CHST9: variants seen among roughly 807,000 people sequenced by gnomAD.
CHST9 encodes GalNAc-4-sulfotransferase 2.
Under a neutral mutation model 44.4 loss-of-function variants are expected in CHST9, and 41 were observed. The observed-to-expected ratio is 0.92, with a 90% confidence interval of 0.72 to 1.20. The LOEUF (loss-of-function observed/expected upper bound fraction) is 1.20. Among genes scored for constraint, CHST9 ranks in the 50% most tolerant of loss-of-function variants. CHST9 has a pLI of 0.00. For synonymous variants in CHST9, 171 were observed against 178.4 expected (o/e 0.96, Z 0.33); for missense variants, 504 against 516.5 (o/e 0.98, Z 0.23).
At chr18:27,144,786 A>G (rs1368046006) in intron 1 of CHST9, among the ~76,000 whole-genome samples, 1 of 152,190 alleles carries the variant, frequency 6.6e-6, no homozygotes, top group Non-Finnish European at 1.5e-5. Flanking sequence ...AGAATTCCTC[A>G]TCTCTTAAAG....
chr18:27,021,683 C>G (rs1445256010), intron 4 of CHST9, among the ~76,000 whole-genome samples: 3 of 152,214 alleles, frequency 2.0e-5, no homozygotes, highest in Non-Finnish European at 4.4e-5. Flanking sequence ...CCTCTTTCCC[C>G]AGAGATAAGC....
chr18:27,135,100 T>C (rs1274885220), intron 2 of CHST9, among the ~76,000 whole-genome samples: 3 of 152,182 alleles, frequency 2.0e-5, no homozygotes, highest in Non-Finnish European at 4.4e-5. Flanking sequence ...AGTGGCTTGA[T>C]TTGACTGTTC....
intron 3 of CHST9, among the ~76,000 whole-genome samples, chr18:27,030,035 T>C (rs1373616296): frequency 6.6e-6 from 1 of 152,230 alleles, no homozygotes; most frequent in Non-Finnish European, 1.5e-5. Flanking sequence ...GTTTTCCCAT[T>C]AGGTATTAAT....
At chr18:27,053,278 A>G (rs2143583013) in intron 2 of CHST9, among the ~76,000 whole-genome samples, 1 of 134,000 alleles carries the variant, frequency 7.5e-6, no homozygotes, top group African/African-American at 2.8e-5. Context: ...GAGAAGGAGA[A>G]GGAGAAGGAG....
At position 26,913,747 on chromosome 18, in the gene CHST9, T is replaced by C. The variant is rs1258776101; in HGVS notation, c.*2512A>G. On this transcript the variant is annotated 3_prime_UTR_variant, in exon 6 of 6. Coordinates refer to ENST00000618847, the MANE Select transcript of CHST9 (RefSeq NM_031422.6). ...TGATGGTCCTAAAGAACAGTGGTGT[T>C]CCCACCTGGATTTATGCACAGGCAG... 1 of 152,190 alleles carries C rather than the reference T, an allele frequency of 6.6e-6. No homozygotes were observed. The highest frequency in any genetic ancestry group is 1.5e-5 in the Non-Finnish European group (1 of 68,040). 9.4% of individuals were successfully genotyped at this position (152,190 alleles called of 1,614,324 possible).
intron 1 of CHST9, among the ~76,000 whole-genome samples, chr18:27,170,647 G>A (rs577387574): frequency 6.6e-6 from 1 of 152,144 alleles, no homozygotes; most frequent in East Asian, 1.9e-4. Context: ...GTGGCAACTA[G>A]AACTCTGAAA....
At chr18:26,953,324 G>C (rs1379994935) in intron 4 of CHST9, among the ~76,000 whole-genome samples, 1 of 152,210 alleles carries the variant, frequency 6.6e-6, no homozygotes, top group Non-Finnish European at 1.5e-5. Context: ...CCCTAACTAG[G>C]GGAGAGGGTT....
At position 26,916,624 on chromosome 18, in the gene CHST9, T is replaced by C. The variant is rs1312660903; in HGVS notation, c.967A>G (p.Ile323Val). The change falls in exon 6 of 6, where the codon ATT becomes GTT. Residue 323 changes from isoleucine to valine, a missense_variant. Transcript: ENST00000618847. ...YRPNACEEAL[I>V]NGSGVKFKEF... ...TTGAACTTGACTCCAGATCCATTAATTAATGCTTCTTCACAGGCATTTGGT... is the reference window on the plus strand; with the variant it reads ...TTGAACTTGACTCCAGATCCATTAACTAATGCTTCTTCACAGGCATTTGGT... 1 of 1,613,878 alleles carries C rather than the reference T, an allele frequency of 6.2e-7. No individual in the cohort carries two copies.
intron 4 of CHST9, among the ~76,000 whole-genome samples, chr18:26,995,064 T>A (rs564275042): frequency 1.3e-5 from 2 of 152,006 alleles, no homozygotes; most frequent in Admixed American, 6.6e-5. Context: ...GGGTCCCATG[T>A]GACTGAGATG....
At chr18:27,061,358 A>G (rs1281366418) in intron 2 of CHST9, among the ~76,000 whole-genome samples, 4 of 152,234 alleles carry the variant, frequency 2.6e-5, no homozygotes, top group African/African-American at 2.4e-5. Flanking sequence ...TAAATACACT[A>G]GGAATAAAAT....
chr18:27,034,240 C>T (rs1237498906), intron 3 of CHST9, among the ~76,000 whole-genome samples: 1 of 152,164 alleles, frequency 6.6e-6, no homozygotes, highest in Non-Finnish European at 1.5e-5. Flanking sequence ...TGGAGTCATC[C>T]TTTATCTCTG....
chr18:26,929,399 C>T (rs191627196), intron 5 of CHST9, among the ~76,000 whole-genome samples: 1,761 of 152,312 alleles, frequency 0.012, 9 homozygotes, highest in Non-Finnish European at 0.02. Flanking sequence ...TAGTACAGTA[C>T]CTGACATATA....
chr18:27,119,977 T>C (rs1284470177), intron 2 of CHST9, among the ~76,000 whole-genome samples: 1 of 152,132 alleles, frequency 6.6e-6, no homozygotes, highest in Non-Finnish European at 1.5e-5. Context: ...CAAAGTATGA[T>C]AAATGTTATG....
chr18:27,028,235 T>C (rs1176548790), intron 3 of CHST9, among the ~76,000 whole-genome samples: 1 of 152,170 alleles, frequency 6.6e-6, no homozygotes, highest in African/African-American at 2.4e-5. Flanking sequence ...TTATTTTTAG[T>C]AACTCAATTT....
chr18:27,024,013 A>G (rs1388014352), intron 4 of CHST9, 103 bp downstream of exon 4: 37 of 1,104,098 alleles, frequency 3.4e-5, no homozygotes, highest in Non-Finnish European at 4.8e-5. Context: ...CATCAGCAGA[A>G]CAGGTGCTTA....
intron 1 of CHST9, among the ~76,000 whole-genome samples, chr18:27,168,899 G>T (rs763770092): frequency 6.6e-6 from 1 of 152,186 alleles, no homozygotes; most frequent in Non-Finnish European, 1.5e-5. Context: ...AGTTTAGCCC[G>T]TTCAAAGAGG....
At chr18:27,042,240 G>C (rs918957003) in intron 3 of CHST9, among the ~76,000 whole-genome samples, 6 of 152,112 alleles carry the variant, frequency 3.9e-5, no homozygotes, top group Admixed American at 3.9e-4. Context: ...CTGGGTTCAA[G>C]TCTCAATTCT....
intron 4 of CHST9, among the ~76,000 whole-genome samples, chr18:26,962,582 C>T (rs561609560): frequency 3.5e-4 from 53 of 152,280 alleles, no homozygotes; most frequent in Non-Finnish European, 7.1e-4. Context: ...TGAGCCACTG[C>T]GCTCAGCATT....
At chr18:27,046,506 G>A (rs1411434702) in intron 3 of CHST9, among the ~76,000 whole-genome samples, 3 of 151,882 alleles carry the variant, frequency 2.0e-5, no homozygotes, top group Non-Finnish European at 1.5e-5. Context: ...ATAGTAACTG[G>A]GGAGGCAGGA....
Sources: gnomAD v4.1 joint callset for allele counts (sites outside exome capture counted in the v4.1 genomes callset) on GRCh38, gnomAD v4.1.1 for gene constraint, MANE v1.5 for transcripts, NCBI Gene and HGNC (gene_info 2026-07-23, HGNC 2026-07-21) for gene names.